Variants in RBM20 observed in about 807,000 individuals in gnomAD.
The protein encoded by RBM20 is RNA-binding protein 20.
RBM20 carries 51 observed loss-of-function variants against 110.1 expected under a neutral mutation model. That is an observed-to-expected ratio of 0.46 (90% CI 0.37 to 0.59). The LOEUF is 0.59. RBM20 is among the 20% of genes least tolerant of loss of function. RBM20 has a pLI of 0.00. For missense variants in RBM20, 1,512 were observed against 1,574.9 expected (o/e 0.96, Z 0.68); for synonymous variants, 589 against 618.2 (o/e 0.95, Z 0.70).
At chr10:110,712,583 A>G (rs1862950812) in intron 1 of RBM20, among the ~76,000 whole-genome samples, 1 of 152,180 alleles carries the variant, frequency 6.6e-6, no homozygotes, top group African/African-American at 2.4e-5. Context: ...CCTGGCCAAA[A>G]TGGTGAAACC....
intron 1 of RBM20, among the ~76,000 whole-genome samples, chr10:110,690,067 C>CT (rs1287430954): frequency 4.6e-5 from 7 of 152,064 alleles, no homozygotes; most frequent in Non-Finnish European, 1.0e-4. Context: ...CAACTATGGC[C>CT]TTTTTTTATT....
chr10:110,812,185 G>A (rs1844775744), intron 8 of RBM20, 93 bp from the exon 9 acceptor site: 3 of 1,124,846 alleles, frequency 2.7e-6, no homozygotes, highest in African/African-American at 1.6e-5. Context: ...TACATGCACA[G>A]TATATCTAAG....
intron 1 of RBM20, among the ~76,000 whole-genome samples, chr10:110,726,296 G>A (rs1386254129): frequency 2.6e-5 from 4 of 152,150 alleles, no homozygotes; most frequent in Non-Finnish European, 5.9e-5. Context: ...ATACCACCCA[G>A]CATCTCTACA....
chr10:110,651,426 A>G (rs1861947782), intron 1 of RBM20, among the ~76,000 whole-genome samples: 1 of 152,240 alleles, frequency 6.6e-6, no homozygotes, highest in Admixed American at 6.5e-5. Context: ...CTGTTCTTCA[A>G]TCTCTAAAAA....
chr10:110,677,481 G>A (rs1180709576), intron 1 of RBM20, among the ~76,000 whole-genome samples: 2 of 152,070 alleles, frequency 1.3e-5, no homozygotes, highest in Non-Finnish European at 2.9e-5. Context: ...ACCACGCCCA[G>A]CTAATTTTTT....
intron 1 of RBM20, among the ~76,000 whole-genome samples, chr10:110,719,114 AG>A (rs1489026286): frequency 3.9e-5 from 6 of 152,224 alleles, no homozygotes; most frequent in Non-Finnish European, 8.8e-5. Flanking sequence ...TGAGTTGCAG[AG>A]CATGTATGTG....
At position 110,781,832 on chromosome 10, in the gene RBM20, T is replaced by C. The variant is rs981575386; in HGVS notation, c.1223T>C (p.Leu408Pro). ...AACGACTTTCACGGTGTGGCCCCCC[T>C]CCACTTGCCGCATATCTGTAGCATC... is the stretch of plus-strand genomic sequence containing the variant. ...ELNDFHGVAPLHLPHICSICD... is the reference protein window; with the variant it reads ...ELNDFHGVAPPHLPHICSICD... Residue 408 changes from leucine (L) to proline (P), a missense_variant, in exon 2 of 14, where the codon CTC becomes CCC. Transcript: ENST00000369519. The C allele has an allele frequency of 1.9e-6, 3 of 1,551,590 alleles. No homozygotes were observed. Among genetic ancestry groups the C allele is most frequent in the Admixed American group, 2.0e-5 (1 of 50,992 alleles).
intron 7 of RBM20, among the ~76,000 whole-genome samples, chr10:110,800,334 C>T (rs980155830): frequency 3.3e-5 from 5 of 152,220 alleles, no homozygotes; most frequent in Non-Finnish European, 7.3e-5. Flanking sequence ...TTCATATTTA[C>T]GTCTTAAGCC....
chr10:110,782,444 T>C (rs1844366509), intron 2 of RBM20, among the ~76,000 whole-genome samples: 1 of 152,220 alleles, frequency 6.6e-6, no homozygotes, highest in East Asian at 1.9e-4. Context: ...AACAGAGGTA[T>C]ATGATAGTAT....
At chr10:110,644,178 C>T (rs1391558720), upstream of RBM20, among the ~76,000 whole-genome samples, 1 of 152,168 alleles carries the variant, frequency 6.6e-6, no homozygotes, top group Non-Finnish European at 1.5e-5. The surrounding 1 kb of genome is among the most constrained non-coding windows in gnomAD (Gnocchi z 4.3). Flanking sequence ...CTGGGTCCAG[C>T]TTGGCGCTGA....
intron 1 of RBM20, among the ~76,000 whole-genome samples, chr10:110,741,932 G>A (rs926383123): frequency 1.3e-4 from 20 of 152,248 alleles, no homozygotes; most frequent in African/African-American, 2.4e-4. Context: ...CCCCATGGAC[G>A]TACACTCCTC....
chr10:110,751,201 A>T (rs1843849060), intron 1 of RBM20, among the ~76,000 whole-genome samples: 1 of 152,244 alleles, frequency 6.6e-6, no homozygotes, highest in Non-Finnish European at 1.5e-5. Context: ...ACCTTACAGG[A>T]TGTCTCTGTA....
chr10:110,767,424 C>T (rs1844115725), intron 1 of RBM20, among the ~76,000 whole-genome samples: 2 of 150,382 alleles, frequency 1.3e-5, no homozygotes, highest in Admixed American at 6.6e-5. Context: ...GGGTGGCTGC[C>T]GGGCAGAGAC....
chr10:110,727,414 A>T (rs4917583), intron 1 of RBM20, among the ~76,000 whole-genome samples: 3 of 135,498 alleles, frequency 2.2e-5, no homozygotes, highest in East Asian at 4.2e-4. Flanking sequence ...AATAAAAATA[A>T]AAAAAAAATA....
rs752460260 is a variant in RBM20 at position 110,644,454 on chromosome 10, C to T, written c.-1C>T. 3.2e-5 allele frequency: 47 copies of T among 1,488,990 alleles called. 1 individual carries two copies. The allele number at this position is 1,488,990 out of a possible 1,614,324, so 92.2% of individuals were successfully genotyped here. On this transcript the variant is annotated 5_prime_UTR_variant, in exon 1 of 14. Coordinates refer to ENST00000369519, the MANE Select transcript of RBM20 (RefSeq NM_001134363.3). This position sits in a 1 kb window ranked among gnomAD's most constrained non-coding sequence, Gnocchi z 4.3. ...GCGATCCCGGGCGGGTCTCGCCCCG[C>T]ATGGTGCTGGCAGCAGCCATGAGCC...
chr10:110,716,253 G>C (rs1371698611), intron 1 of RBM20, among the ~76,000 whole-genome samples: 5 of 152,166 alleles, frequency 3.3e-5, no homozygotes, highest in Admixed American at 3.3e-4. Context: ...GGCCCCAGAT[G>C]TCTCCCTCCA....
intron 1 of RBM20, among the ~76,000 whole-genome samples, chr10:110,662,736 A>C (rs1156720395): frequency 6.6e-6 from 1 of 152,224 alleles, no homozygotes; most frequent in Non-Finnish European, 1.5e-5. Context: ...CACTATTTGC[A>C]ATAGCAAAAG....
intron 1 of RBM20, among the ~76,000 whole-genome samples, chr10:110,696,193 T>C (rs1020376561): frequency 6.6e-6 from 1 of 152,242 alleles, no homozygotes; most frequent in African/African-American, 2.4e-5. Context: ...TACGCATCCT[T>C]ATTTCCTCTC....
rs75428556 is a variant in RBM20 at position 110,679,771 on chromosome 10, G to A, written c.191+35126G>A. On this transcript the variant is annotated intron_variant, in intron 1 of 13. Transcript: ENST00000369519. ...GTTTCCTGAGAGAGGGCTTGGCTGA[G>A]GGCTGGGAGGCAGGTCCGCCTTCCT... is the stretch of plus-strand genomic sequence containing the variant. Among the ~76,000 whole-genome samples the A allele has an allele frequency of 1.6e-3, 247 of 152,312 alleles. 2 individuals carry two copies. The East Asian group carries it at 0.028, about 17-fold the overall frequency.
Sources: allele counts gnomAD v4.1 joint callset (sites outside exome capture counted in the v4.1 genomes callset), GRCh38; gene constraint gnomAD v4.1.1; non-coding constraint Gnocchi (gnomAD v3.1); transcripts MANE v1.5; gene names NCBI Gene and HGNC (gene_info 2026-07-23, HGNC 2026-07-21).